Variants in ACTG2 observed in about 807,000 individuals in gnomAD.
ACTG2 encodes actin, gamma-enteric smooth muscle.
A neutral mutation model predicts 37.6 loss-of-function variants in ACTG2; 16 were observed. That is an observed-to-expected ratio of 0.43 (90% CI 0.29 to 0.65). ACTG2 has a LOEUF of 0.65. Among genes scored for constraint, ACTG2 ranks in the 30% least tolerant of loss-of-function variants. The pLI is 0.18. For missense variants in ACTG2, 238 were observed against 490.9 expected (o/e 0.48, Z 4.87); for synonymous variants, 181 against 179.9 (o/e 1.01, Z -0.05).
intron 5 of ACTG2, among the ~76,000 whole-genome samples, chr2:73,910,893 A>G (rs1234563323): frequency 2.0e-5 from 3 of 151,970 alleles, no homozygotes; most frequent in Non-Finnish European, 2.9e-5. Context: ...CCTTTATTCT[A>G]CAAGCTTTTT....
intron 3 of ACTG2, among the ~76,000 whole-genome samples, chr2:73,903,850 G>A (rs1679943663): frequency 6.8e-6 from 1 of 146,468 alleles, no homozygotes; most frequent in Admixed American, 7.0e-5. Context: ...TGCGGCAGGA[G>A]AATCGCTTGA....
intron 3 of ACTG2, among the ~76,000 whole-genome samples, chr2:73,906,762 G>C (rs577951371): frequency 6.6e-6 from 1 of 152,218 alleles, no homozygotes; most frequent in South Asian, 2.1e-4. Context: ...ACAGGCATAA[G>C]TCACCACACT....
intron 5 of ACTG2, among the ~76,000 whole-genome samples, chr2:73,910,968 C>CAT (rs1442635884): frequency 6.6e-6 from 1 of 150,912 alleles, no homozygotes; most frequent in Non-Finnish European, 1.5e-5. Flanking sequence ...CTAAAATATA[C>CAT]ACATTAGCCT....
intron 1 of ACTG2, among the ~76,000 whole-genome samples, chr2:73,893,826 C>G (rs1312341952): frequency 2.0e-5 from 3 of 152,164 alleles, no homozygotes; most frequent in Non-Finnish European, 4.4e-5. Context: ...ACACACAACA[C>G]ATGCACAAAG....
At chr2:73,905,922 A>G (rs912309877) in intron 3 of ACTG2, among the ~76,000 whole-genome samples, 1 of 151,942 alleles carries the variant, frequency 6.6e-6, no homozygotes, top group Admixed American at 6.6e-5. Context: ...TTATATAAGC[A>G]TTTTCAAAAG....
intron 5 of ACTG2, among the ~76,000 whole-genome samples, chr2:73,911,025 C>T (rs182876349): frequency 2.6e-5 from 4 of 152,200 alleles, no homozygotes; most frequent in African/African-American, 9.6e-5. Flanking sequence ...ATTTCATCTC[C>T]ACATCTTGGC....
chr2:73,904,814 T>TAA (rs1679985164), intron 3 of ACTG2, among the ~76,000 whole-genome samples: 3 of 131,962 alleles, frequency 2.3e-5, no homozygotes, highest in Non-Finnish European at 4.8e-5. Flanking sequence ...TATATATATA[T>TAA]AATCTTGTGT....
chr2:73,919,449 G>A lies in ACTG2; in HGVS notation c.1005G>A (p.Glu335=), dbSNP rs1573477745. The A allele has an allele frequency of 6.2e-7, 1 of 1,613,798 alleles. No individual in the cohort carries two copies. Among genetic ancestry groups the A allele is most frequent in the Non-Finnish European group, 8.5e-7 (1 of 1,180,022 alleles). The change falls in exon 9 of 9, where the codon GAG becomes GAA. Residue 335 remains glutamate, a synonymous_variant. Coordinates refer to ENST00000345517, the MANE Select transcript of ACTG2 (RefSeq NM_001615.4). The part of the protein sequence containing the change: ...TMKIKIIAPP[E]RKYSVWIGGS... ...CTTTGCAGATTATTGCTCCCCCAGA[G>A]CGGAAGTACTCAGTCTGGATCGGGG...
At chr2:73,908,922 G>C in intron 4 of ACTG2, 133 bp from the exon 5 acceptor site, 3 of 1,203,768 alleles carry the variant, frequency 2.5e-6, no homozygotes, top group Non-Finnish European at 3.6e-6. Context: ...CAGGCCCTGG[G>C]GGAGTGGGTG....
At chr2:73,915,672 T>A (rs1680251926) in intron 7 of ACTG2, among the ~76,000 whole-genome samples, 1 of 152,154 alleles carries the variant, frequency 6.6e-6, no homozygotes, top group South Asian at 2.1e-4. Flanking sequence ...TCAGATGACA[T>A]GACGAGTATA....
chr2:73,914,569 A>G, intron 6 of ACTG2, 111 bp from the exon 7 acceptor site: 2 of 808,524 alleles, frequency 2.5e-6, no homozygotes, highest in Non-Finnish European at 3.3e-6. Context: ...AAAAAAAAAA[A>G]AAAAAAAAGA....
At chr2:73,916,524 C>G in intron 7 of ACTG2, 60 bp from the exon 8 acceptor site, 1 of 1,477,468 alleles carries the variant, frequency 6.8e-7, no homozygotes. Context: ...ATTTGAGGAG[C>G]TGGAGGTGTG....
In ACTG2 at chr2:73,901,297, TCA is replaced by T; in HGVS notation, c.-14_-13del. 1.3e-6 allele frequency: 2 copies of T among 1,562,586 alleles called. No individual in the cohort carries two copies. Among genetic ancestry groups the T allele is most frequent in the Non-Finnish European group, 1.7e-6 (2 of 1,148,388 alleles). ...CAAGGTGCTCCAGTCCCCAGCTCACTCAGCCACACACACCATGTGTGAAGAGG... is the reference window on the plus strand; with the variant it reads ...CAAGGTGCTCCAGTCCCCAGCTCACTGCCACACACACCATGTGTGAAGAGG... On this transcript the variant is annotated 5_prime_UTR_variant, in exon 2 of 9. Transcript: ENST00000345517.
At chr2:73,909,593 C>T (rs1265220090) in intron 5 of ACTG2, among the ~76,000 whole-genome samples, 1 of 152,130 alleles carries the variant, frequency 6.6e-6, no homozygotes, top group Non-Finnish European at 1.5e-5. Context: ...CTACATGCCC[C>T]GGCTGTATGG....
chr2:73,914,163 T>C (rs1680202391), intron 6 of ACTG2, among the ~76,000 whole-genome samples: 1 of 152,152 alleles, frequency 6.6e-6, no homozygotes, highest in African/African-American at 2.4e-5. Context: ...AATCAAGACT[T>C]GAGACTCCCT....
intron 2 of ACTG2, 47 bp downstream of exon 2, chr2:73,901,484 A>C: frequency 6.2e-7 from 1 of 1,603,618 alleles, no homozygotes. Flanking sequence ...ACTAGGAGTA[A>C]GCGCTGCACT....
At chr2:73,903,934 C>CAT (rs1306596081) in intron 3 of ACTG2, among the ~76,000 whole-genome samples, 2 of 103,568 alleles carry the variant, frequency 1.9e-5, no homozygotes, top group East Asian at 2.9e-4. Flanking sequence ...AGTGAGACTC[C>CAT]GTCTCAAAAA....
rs1340394035 is a variant in ACTG2, at chr2:73,919,239, G to A, written c.988-193G>A. On this transcript the variant is annotated intron_variant, in intron 8 of 8. Transcript: ENST00000345517. ...AATGCCCAGCCTTACAGGGAGCAGT[G>A]CACTCTTCCCATGGAAGGAATAAGG... Among the ~76,000 whole-genome samples, 3 of 152,196 alleles carry A rather than the reference G, an allele frequency of 2.0e-5. No individual in the cohort carries two copies. In the East Asian group the frequency reaches 5.8e-4, roughly 29 times the overall value.
Position 73,902,419 on chromosome 2 carries a change from G to A in ACTG2, c.186G>A (p.Lys62=). 2 of 1,614,128 alleles carry A rather than the reference G, an allele frequency of 1.2e-6. No homozygotes were observed. Among genetic ancestry groups the A allele is most frequent in the Non-Finnish European group, 1.7e-6 (2 of 1,180,020 alleles). The part of the protein sequence containing the change: ...DSYVGDEAQS[K]RGILTLKYPI... ...ATGTGGGGGATGAGGCTCAGAGCAA[G>A]CGAGGGATCCTAACTCTCAAATACC... Residue 62 remains lysine, a synonymous_variant, in exon 3 of 9, where the codon AAG becomes AAA. Coordinates refer to ENST00000345517, the MANE Select transcript of ACTG2 (RefSeq NM_001615.4).
Sources: allele counts gnomAD v4.1 joint callset (sites outside exome capture counted in the v4.1 genomes callset), GRCh38; gene constraint gnomAD v4.1.1; transcripts MANE v1.5; gene names NCBI Gene and HGNC (gene_info 2026-07-23, HGNC 2026-07-21).